ZBTB7A: variants seen among roughly 807,000 people sequenced by gnomAD.
The protein encoded by ZBTB7A is zinc finger and BTB domain-containing protein 7A.
In ZBTB7A, 7 loss-of-function variants were observed where a neutral mutation model predicts 26.7. That is an observed-to-expected ratio of 0.26 (90% confidence interval 0.15 to 0.49). The LOEUF is 0.49. Ranked by LOEUF, ZBTB7A falls within the 20% of genes least tolerant of loss-of-function variation. The pLI is 0.98. For synonymous variants in ZBTB7A, 452 were observed against 441.0 expected (o/e 1.02, Z -0.31); for missense variants, 617 against 919.5 (o/e 0.67, Z 4.25).
rs569496101 is a variant in ZBTB7A, at chr19:4,055,041, C to T, written c.192G>A (p.Thr64=). 11 of 1,610,824 alleles carry T rather than the reference C, an allele frequency of 6.8e-6. No individual in the cohort carries two copies. In the Admixed American group the frequency reaches 1.0e-4, roughly 15 times the overall value. ...ACSQYFKKLF[T]SGAVVDQQNV... is the part of the protein sequence containing the mutation. ...TCTGCTGGTCCACCACGGCGCCCGACGTGAACAGCTTCTTGAAGTACTGGC... is the reference window on the plus strand; with the variant it reads ...TCTGCTGGTCCACCACGGCGCCCGATGTGAACAGCTTCTTGAAGTACTGGC... Residue 64 remains threonine, a synonymous_variant, in exon 2 of 3, where the codon ACG becomes ACA. Coordinates refer to ENST00000322357, the MANE Select transcript of ZBTB7A (RefSeq NM_015898.4).
At chr19:4,065,132 C>T (rs922521710) in intron 1 of ZBTB7A, among the ~76,000 whole-genome samples, 45 of 151,678 alleles carry the variant, frequency 3.0e-4, no homozygotes, top group African/African-American at 1.0e-3. Flanking sequence ...CGGGCTCAGG[C>T]TTCGCACGTG....
At chr19:4,062,879 G>A (rs973544018) in intron 1 of ZBTB7A, 6 of 152,116 alleles carry the variant, frequency 3.9e-5, no homozygotes, top group Non-Finnish European at 8.8e-5. Flanking sequence ...GAACCCTCGA[G>A]ACAACACTCT....
chr19:4,050,483 G>A (rs778892812), intron 2 of ZBTB7A, among the ~76,000 whole-genome samples: 3 of 152,190 alleles, frequency 2.0e-5, no homozygotes, highest in Non-Finnish European at 4.4e-5. Flanking sequence ...TCGCCCCATG[G>A]GGGCAGCGTG....
chr19:4,059,068 C>T (rs1227872884), intron 1 of ZBTB7A, among the ~76,000 whole-genome samples: 1 of 152,208 alleles, frequency 6.6e-6, no homozygotes, highest in Non-Finnish European at 1.5e-5. Context: ...TGTCCACCCC[C>T]TGCCACCATC....
intron 1 of ZBTB7A, among the ~76,000 whole-genome samples, chr19:4,066,381 C>A (rs1031198515): frequency 1.3e-5 from 2 of 150,986 alleles, no homozygotes; most frequent in South Asian, 2.1e-4. Context: ...TCCCCTCCCC[C>A]GCTCCCCGCG....
chr19:4,049,580 G>A (rs1263015429), intron 2 of ZBTB7A, among the ~76,000 whole-genome samples: 2 of 151,998 alleles, frequency 1.3e-5, no homozygotes, highest in Non-Finnish European at 2.9e-5. Context: ...TGACAGATAG[G>A]GTGACCAACT....
At position 4,044,641 on chromosome 19, in the gene ZBTB7A, G is replaced by A. The variant is rs1302427891; in HGVS notation, c.*3111C>T. ...ACGCGTCCACGCAACTTCACCATGA[G>A]AATGGAAATAACAATTTCGCATTGT... On this transcript the variant is annotated 3_prime_UTR_variant, in exon 3 of 3. Coordinates refer to ENST00000322357, the MANE Select transcript of ZBTB7A (RefSeq NM_015898.4). The A allele has an allele frequency of 1.4e-5, 2 of 142,690 alleles. No homozygotes were observed. Among genetic ancestry groups the A allele is most frequent in the African/African-American group, 5.2e-5 (2 of 38,362 alleles). The allele number at this position is 142,690 out of a possible 1,614,324, so 8.8% of individuals were successfully genotyped here.
chr19:4,065,277 G>T (rs868643560), intron 1 of ZBTB7A, among the ~76,000 whole-genome samples: 2 of 149,744 alleles, frequency 1.3e-5, no homozygotes, highest in African/African-American at 4.9e-5. Context: ...GGCCGTCCGG[G>T]CAGGGCGAGG....
In ZBTB7A at chr19:4,054,177, G is replaced by A; in HGVS notation, c.1056C>T (p.Tyr352=). 2 of 1,599,648 alleles carry A rather than the reference G, an allele frequency of 1.3e-6. No individual in the cohort carries two copies. The highest frequency in any genetic ancestry group is 1.7e-6 in the Non-Finnish European group (2 of 1,178,800). Residue 352 remains tyrosine, a synonymous_variant, in exon 2 of 3, where the codon TAC becomes TAT. Transcript: ENST00000322357. ...CGTGGGCGCCGCTGAAGTACTTCAG[G>A]TAGTAGTCCATGACGCCCTTGTCGT... ...RADDKGVMDY[Y]LKYFSGAHDG...
rs757359614 is a variant in ZBTB7A, at chr19:4,054,735, G to T, written c.498C>A (p.Ser166Arg). The change falls in exon 2 of 3, where the codon AGC becomes AGA. Residue 166 changes from serine (S) to arginine (R), a missense_variant. By Grantham distance (110) the Ser-to-Arg change is moderately radical (BLOSUM62 -1). Around this residue, in one of 5 missense-constraint regions of ZBTB7A, gnomAD observed 331 missense variants for 391.3 expected, o/e 0.85. Coordinates refer to ENST00000322357, the MANE Select transcript of ZBTB7A (RefSeq NM_015898.4). ...RAKEYLEFFQ[S>R]NPMNSLPPAA... ...CGGGGGGCAGGCTGTTCATGGGGTT[G>T]CTCTGGAAGAACTCGAGGTACTCCT... 61 of 1,570,190 alleles carry T rather than the reference G, an allele frequency of 3.9e-5. No individual in the cohort carries two copies. The highest frequency in any genetic ancestry group is 4.9e-5 in the Non-Finnish European group (57 of 1,157,374).
intron 2 of ZBTB7A, among the ~76,000 whole-genome samples, chr19:4,050,677 A>G (rs374123835): frequency 4.6e-5 from 7 of 152,220 alleles, no homozygotes; most frequent in East Asian, 3.9e-4. Context: ...AAATGGCTCA[A>G]TGAGGATCGT....
At position 4,048,379 on chromosome 19, in the gene ZBTB7A, T is replaced by G. The variant is rs2040451704; in HGVS notation, c.1263-135A>C. On this transcript the variant is annotated intron_variant, in intron 2 of 2. Coordinates refer to ENST00000322357, the MANE Select transcript of ZBTB7A (RefSeq NM_015898.4). This position sits in a 1 kb window ranked among gnomAD's most constrained non-coding sequence, Gnocchi z 6.7. ...ACGGACCGTGCACCAGAGGTTTCGG[T>G]GCCCCGATGGGGACGGTCCCTCGAA... The G allele has an allele frequency of 1.6e-6, 2 of 1,261,546 alleles. No individual in the cohort carries two copies. The highest frequency in any genetic ancestry group is 2.1e-6 in the Non-Finnish European group (2 of 971,616). 78.1% of individuals were successfully genotyped at this position (1,261,546 alleles called of 1,614,324 possible).
chr19:4,065,817 C>A (rs1274744694), intron 1 of ZBTB7A: 1 of 138,558 alleles, frequency 7.2e-6, no homozygotes, highest in Non-Finnish European at 1.6e-5. Flanking sequence ...GGCCCCGGGG[C>A]GGGGAGGGGG....
Position 4,046,029 on chromosome 19 carries a change from G to T in ZBTB7A, c.*1723C>A. The stretch of plus-strand genomic sequence containing the variant: ...TGCGGGAGGGACAGGCGTGTTGGGG[G>T]ATTGGGGGGTGCCGGATGGGGATCG... On this transcript the variant is annotated 3_prime_UTR_variant, in exon 3 of 3. Coordinates refer to ENST00000322357, the MANE Select transcript of ZBTB7A (RefSeq NM_015898.4). 1 of 398,692 alleles carries T rather than the reference G, an allele frequency of 2.5e-6. No individual in the cohort carries two copies. Among genetic ancestry groups the T allele is most frequent in the Non-Finnish European group, 4.4e-6 (1 of 225,924 alleles). The allele number at this position is 398,692 out of a possible 1,614,324, so 24.7% of individuals were successfully genotyped here. A position where few individuals can be genotyped will look rare whatever the true frequency, so the allele number is the denominator to read the frequency against.
At chr19:4,050,362 GTC>G (rs1210722760) in intron 2 of ZBTB7A, among the ~76,000 whole-genome samples, 1 of 152,208 alleles carries the variant, frequency 6.6e-6, no homozygotes, top group Non-Finnish European at 1.5e-5. Context: ...CGCCCGGCCG[GTC>G]TCTCTTGTTT....
chr19:4,058,398 G>T (rs2040604696), intron 1 of ZBTB7A, among the ~76,000 whole-genome samples: 2 of 152,058 alleles, frequency 1.3e-5, no homozygotes, highest in Non-Finnish European at 2.9e-5. Flanking sequence ...GGCAGCGCCG[G>T]GCCCTGGGGG....
chr19:4,043,600 G>A lies in ZBTB7A; in HGVS notation c.*4152C>T, dbSNP rs1251209984. Reference sequence around the variant, plus strand: ...GCCCCTCCAAAGTCCAAGGCACCTCGATTCTGGGCCTGGGGTGGGGTGGGG... The same window carrying A: ...GCCCCTCCAAAGTCCAAGGCACCTCAATTCTGGGCCTGGGGTGGGGTGGGG... On this transcript the variant is annotated 3_prime_UTR_variant, in exon 3 of 3. Transcript: ENST00000322357. 1.3e-5 allele frequency among the ~76,000 whole-genome samples: 2 copies of A among 151,098 alleles called. No individual in the cohort carries two copies. Among genetic ancestry groups the A allele is most frequent in the Non-Finnish European group, 2.9e-5 (2 of 67,826 alleles).
At position 4,060,389 on chromosome 19, in the gene ZBTB7A, C is replaced by T. The variant is rs530534765; in HGVS notation, c.-15-5142G>A. On this transcript the variant is annotated intron_variant, in intron 1 of 2. Transcript: ENST00000322357. ...AAGGGTCACTTGCTGTAGTGTTTGT[C>T]GAGAGCCACGGCACCCGGGCCGCAT... Among the ~76,000 whole-genome samples the T allele has an allele frequency of 5.3e-5, 8 of 152,314 alleles. No individual in the cohort carries two copies. In the East Asian group the frequency reaches 7.7e-4, roughly 15 times the overall value.
In ZBTB7A at chr19:4,055,140, G is replaced by A; in HGVS notation, c.93C>T (p.Gly31=). Residue 31 remains glycine (G), a synonymous_variant, in exon 2 of 3, where the codon GGC becomes GGT. Coordinates refer to ENST00000322357, the MANE Select transcript of ZBTB7A (RefSeq NM_015898.4). The part of the protein sequence containing the change: ...LSGLNEQRTQ[G]LLCDVVILVE... ...CCAGGATCACCACGTCGCACAGCAG[G>A]CCCTGCGTCCGCTGCTCGTTCAGCC... The A allele has an allele frequency of 4.4e-6, 7 of 1,609,094 alleles. No individual in the cohort carries two copies. Among genetic ancestry groups the A allele is most frequent in the Non-Finnish European group, 5.9e-6 (7 of 1,179,284 alleles).
Sources: allele counts gnomAD v4.1 joint callset (sites outside exome capture counted in the v4.1 genomes callset), GRCh38; gene constraint gnomAD v4.1.1; regional missense constraint gnomAD v4.1.1; non-coding constraint Gnocchi (gnomAD v3.1); transcripts MANE v1.5; gene names NCBI Gene and HGNC (gene_info 2026-07-23, HGNC 2026-07-21).